The following GAB2 variants were observed in gnomAD, a reference collection of about 807,000 sequenced individuals.
GAB2 encodes GRB2 associated binding protein 2.
GAB2 carries 26 observed loss-of-function variants against 65.5 expected under a neutral mutation model. The ratio of observed to expected loss-of-function variants is 0.40; its 90% confidence interval spans 0.29 to 0.55. The LOEUF (loss-of-function observed/expected upper bound fraction) is 0.55, where lower values mean the gene tolerates loss of function less well. Among genes scored for constraint, GAB2 ranks in the 20% least tolerant of loss-of-function variants. The pLI is 0.53. For synonymous variants in GAB2, 321 were observed against 329.6 expected, an observed-to-expected ratio of 0.97 and a Z score of 0.28; for missense variants, 884 against 875.8, an observed-to-expected ratio of 1.01 and a Z score of -0.12.
intron 3 of GAB2, among the ~76,000 whole-genome samples, chr11:78,233,382 C>T (rs1213163287): frequency 6.6e-6 from 1 of 151,836 alleles, no homozygotes; most frequent in East Asian, 1.9e-4. Flanking sequence ...AAAGCAGAAT[C>T]TCACTGAGAT....
chr11:78,299,102 C>T (rs1866919332), intron 1 of GAB2, among the ~76,000 whole-genome samples: 1 of 152,116 alleles, frequency 6.6e-6, no homozygotes, highest in South Asian at 2.1e-4. Flanking sequence ...ACAGACTATT[C>T]AAGGACCCTA....
intron 1 of GAB2, among the ~76,000 whole-genome samples, chr11:78,373,014 A>G (rs1223547175): frequency 6.6e-6 from 1 of 152,136 alleles, no homozygotes; most frequent in East Asian, 1.9e-4. Flanking sequence ...AGAAAGACTT[A>G]CCACTGGGCA....
chr11:78,309,971 T>TGTGTGTGTGTGTGTGTGAGC, intron 1 of GAB2, among the ~76,000 whole-genome samples: 1 of 120,196 alleles, frequency 8.3e-6, no homozygotes, highest in African/African-American at 3.6e-5. Flanking sequence ...TGTGTGTGTG[T>TGTGTGTGTGTGTGTGTGAGC]GCGCGCGCGC....
chr11:78,255,026 T>C (rs921121082), intron 2 of GAB2, among the ~76,000 whole-genome samples: 1 of 151,984 alleles, frequency 6.6e-6, no homozygotes. Flanking sequence ...TACTTGAAAA[T>C]AGCGTCTCTG....
At chr11:78,400,373 C>T (rs150366699) in intron 1 of GAB2, among the ~76,000 whole-genome samples, 113 of 152,288 alleles carry the variant, frequency 7.4e-4, no homozygotes, top group African/African-American at 2.6e-3. Flanking sequence ...TTCTGTTTCA[C>T]ATGTAGACTT....
At chr11:78,299,042 C>T (rs1255417031) in intron 1 of GAB2, among the ~76,000 whole-genome samples, 15 of 152,180 alleles carry the variant, frequency 9.9e-5, no homozygotes, top group African/African-American at 2.4e-5. Context: ...GGATTCAGAT[C>T]AGTAGGTCTG....
chr11:78,225,337 AT>A, intron 4 of GAB2, 135 bp from the exon 5 acceptor site: 1 of 609,668 alleles, frequency 1.6e-6, no homozygotes, highest in East Asian at 2.8e-5. Context: ...ATGATAAGGA[AT>A]TTCTTCGAAC....
intron 3 of GAB2, among the ~76,000 whole-genome samples, chr11:78,247,328 T>C (rs553261620): frequency 3.3e-5 from 5 of 152,312 alleles, no homozygotes; most frequent in African/African-American, 1.2e-4. Context: ...TCCACCACCA[T>C]AGTGGAACTG....
At chr11:78,333,350 C>T (rs954617105) in intron 1 of GAB2, among the ~76,000 whole-genome samples, 36 of 152,266 alleles carry the variant, frequency 2.4e-4, no homozygotes, top group Non-Finnish European at 4.7e-4. Context: ...ACTCCAGCCT[C>T]GAATCCTGAG....
intron 1 of GAB2, among the ~76,000 whole-genome samples, chr11:78,291,392 G>T (rs939828821): frequency 6.6e-5 from 10 of 150,810 alleles, no homozygotes; most frequent in Non-Finnish European, 1.0e-4. Context: ...CTTGAACCTG[G>T]GAGGCAGAGC....
At chr11:78,363,662 G>A (rs1411975682) in intron 1 of GAB2, among the ~76,000 whole-genome samples, 1 of 150,246 alleles carries the variant, frequency 6.7e-6, no homozygotes, top group Non-Finnish European at 1.5e-5. Flanking sequence ...ACAGCTCACT[G>A]CAGTCTTCAC....
chr11:78,270,288 C>T (rs1350443142), intron 2 of GAB2, among the ~76,000 whole-genome samples: 1 of 151,102 alleles, frequency 6.6e-6, no homozygotes, highest in African/African-American at 2.4e-5. Context: ...GAGCTGAGAT[C>T]GCGCCACTGC....
intron 1 of GAB2, among the ~76,000 whole-genome samples, chr11:78,323,624 T>G (rs1252690972): frequency 1.3e-5 from 2 of 148,688 alleles, no homozygotes; most frequent in Admixed American, 6.8e-5. Flanking sequence ...TAGTAGACAC[T>G]GAGGACTCCA....
chr11:78,269,493 C>G (rs757846955), intron 2 of GAB2, among the ~76,000 whole-genome samples: 1 of 152,202 alleles, frequency 6.6e-6, no homozygotes, highest in Non-Finnish European at 1.5e-5. Context: ...CCACAGTTCT[C>G]CCTGCTGTAA....
At chr11:78,402,569 C>T (rs1206431801) in intron 1 of GAB2, among the ~76,000 whole-genome samples, 1 of 147,316 alleles carries the variant, frequency 6.8e-6, no homozygotes. Context: ...CCACCCCCAC[C>T]CCCAATCGCC....
At position 78,402,559 on chromosome 11, in the gene GAB2, C is replaced by T. The variant is rs940866930; in HGVS notation, c.75+15087G>A. Among the ~76,000 whole-genome samples, 9 of 147,124 alleles carry T rather than the reference C, an allele frequency of 6.1e-5. No individual in the cohort carries two copies. The Admixed American group carries it at 6.2e-4, about 10-fold the overall frequency. On this transcript the variant is annotated intron_variant, in intron 1 of 9. Transcript: ENST00000361507. Reference sequence around the variant, plus strand: ...ATTCTCCGGCCTCAGCCGCACCCCCCCACCCCCACCCCCAATCGCCCCAGT... The same window carrying T: ...ATTCTCCGGCCTCAGCCGCACCCCCTCACCCCCACCCCCAATCGCCCCAGT...
At chr11:78,243,993 T>G (rs1865218610) in intron 3 of GAB2, among the ~76,000 whole-genome samples, 1 of 151,910 alleles carries the variant, frequency 6.6e-6, no homozygotes, top group Non-Finnish European at 1.5e-5. Context: ...TTATGAGTAA[T>G]GAGATGGAAT....
chr11:78,370,042 G>A (rs1310565422), intron 1 of GAB2, among the ~76,000 whole-genome samples: 1 of 151,912 alleles, frequency 6.6e-6, no homozygotes, highest in Non-Finnish European at 1.5e-5. Context: ...CGGATCACGA[G>A]GTCAGGAGAT....
chr11:78,257,096 C>G (rs1865614568), intron 2 of GAB2, among the ~76,000 whole-genome samples: 1 of 151,956 alleles, frequency 6.6e-6, no homozygotes, highest in Admixed American at 6.5e-5. Context: ...GGAAGCCTGC[C>G]CAGCATACAA....
Sources: allele counts gnomAD v4.1 joint callset (sites outside exome capture counted in the v4.1 genomes callset), GRCh38; gene constraint gnomAD v4.1.1; transcripts MANE v1.5; gene names NCBI Gene and HGNC (gene_info 2026-07-23, HGNC 2026-07-21).